Variants in AQR observed in about 807,000 individuals in gnomAD.
AQR encodes aquarius intron-binding spliceosomal factor, also known as RNA helicase aquarius.
A neutral mutation model predicts 180.5 loss-of-function variants in AQR; 61 were observed. That is an observed-to-expected ratio of 0.34 (90% CI 0.28 to 0.42). AQR has a LOEUF of 0.42. AQR is among the 10% of genes least tolerant of loss of function. The pLI is 1.00. For synonymous variants in AQR, 551 were observed against 588.8 expected (o/e 0.94, Z 0.93); for missense variants, 1,281 against 1,798.3 (o/e 0.71, Z 5.20).
At chr15:34,917,711 A>G (rs1893616478) in intron 15 of AQR, among the ~76,000 whole-genome samples, 1 of 151,836 alleles carries the variant, frequency 6.6e-6, no homozygotes, top group Non-Finnish European at 1.5e-5. Context: ...GGTCAGCTGC[A>G]GTGGTTCACA....
intron 30 of AQR, among the ~76,000 whole-genome samples, chr15:34,872,306 C>G (rs1221651986): frequency 2.0e-5 from 3 of 152,092 alleles, no homozygotes; most frequent in African/African-American, 4.8e-5. Flanking sequence ...GCATAGTATT[C>G]TTATTTTGGG....
intron 1 of AQR, among the ~76,000 whole-genome samples, chr15:34,967,151 C>T (rs930112680): frequency 2.0e-5 from 3 of 151,280 alleles, no homozygotes; most frequent in Non-Finnish European, 4.4e-5. Context: ...GCTGGGATTA[C>T]AGGTGTAATC....
intron 27 of AQR, among the ~76,000 whole-genome samples, chr15:34,876,412 T>C (rs1344625853): frequency 6.6e-6 from 1 of 152,276 alleles, no homozygotes; most frequent in East Asian, 1.9e-4. Context: ...GATAATTTTT[T>C]TTCCTATATG....
At chr15:34,879,364 C>T (rs1208347321) in intron 27 of AQR, among the ~76,000 whole-genome samples, 3 of 152,166 alleles carry the variant, frequency 2.0e-5, no homozygotes, top group Non-Finnish European at 4.4e-5. Flanking sequence ...TACGTCACAA[C>T]CCAAATTTCT....
Position 34,918,336 on chromosome 15 carries a change from T to C in AQR, c.1264A>G (p.Asn422Asp). The change falls in exon 15 of 35, where the codon AAC becomes GAC. Residue 422 changes from asparagine to aspartate, a missense_variant. Physicochemically the swap from Asn to Asp is conservative, Grantham distance 23. Transcript: ENST00000156471. The stretch of plus-strand genomic sequence containing the variant: ...TCAGTTGGATACAAAGGCATCTGGT[T>C]CAACTGCTGAATCTGAGAAATTCGA... ...ERRISQIQQL[N>D]QMPLYPTEKI... 1.2e-6 allele frequency: 2 copies of C among 1,613,886 alleles called. No individual in the cohort carries two copies. The highest frequency in any genetic ancestry group is 1.7e-6 in the Non-Finnish European group (2 of 1,179,852).
chr15:34,904,708 T>C (rs975525047), intron 18 of AQR, among the ~76,000 whole-genome samples: 1 of 150,608 alleles, frequency 6.6e-6, no homozygotes, highest in Non-Finnish European at 1.5e-5. Context: ...AAATTCTTAC[T>C]ATTTCCTTCC....
At chr15:34,939,419 G>C (rs1034239296) in intron 8 of AQR, among the ~76,000 whole-genome samples, 1 of 152,104 alleles carries the variant, frequency 6.6e-6, no homozygotes, top group Non-Finnish European at 1.5e-5. Flanking sequence ...AAGTCAGACC[G>C]AGAAAGAAGT....
In AQR at chr15:34,949,031, G is replaced by A. The variant is rs1795251985; in HGVS notation, c.210-647C>T. 3.3e-5 allele frequency among the ~76,000 whole-genome samples: 5 copies of A among 151,286 alleles called. No individual in the cohort carries two copies. In the South Asian group the frequency reaches 1.0e-3, roughly 32 times the overall value. On this transcript the variant is annotated intron_variant, in intron 4 of 34. Transcript: ENST00000156471. The stretch of plus-strand genomic sequence containing the variant: ...TTTTGAGACGGAGTTTTGCTCTTGT[G>A]GCCCAGACTGGAGTACAATGGCGTA...
chr15:34,899,676 T>TTA (rs57273821), intron 20 of AQR, among the ~76,000 whole-genome samples: 6,445 of 147,372 alleles, frequency 0.044, 297 homozygotes, highest in African/African-American at 0.12. Flanking sequence ...TGGCCTATTA[T>TTA]TATATATATA....
intron 31 of AQR, chr15:34,867,874 A>G (rs1373912203): frequency 3.3e-6 from 1 of 306,494 alleles, no homozygotes; most frequent in Non-Finnish European, 6.0e-6. Context: ...TTTGGAATTA[A>G]CAGTCTTCCC....
intron 30 of AQR, 131 bp downstream of exon 30, chr15:34,873,697 T>C (rs1474155845): frequency 3.0e-6 from 2 of 663,872 alleles, no homozygotes; most frequent in Non-Finnish European, 2.4e-6. Context: ...AATCGATTTT[T>C]CATATGCTAT....
At chr15:34,955,577 C>G (rs746722056) in intron 3 of AQR, among the ~76,000 whole-genome samples, 19 of 152,094 alleles carry the variant, frequency 1.2e-4, no homozygotes, top group Non-Finnish European at 2.5e-4. Context: ...ATCTGTTAAG[C>G]AGATGATTAA....
intron 27 of AQR, among the ~76,000 whole-genome samples, chr15:34,878,785 C>CT (rs1188072163): frequency 6.6e-6 from 1 of 152,096 alleles, no homozygotes; most frequent in Non-Finnish European, 1.5e-5. Flanking sequence ...AATCCCAGCA[C>CT]TTTGGGAGCC....
intron 5 of AQR, among the ~76,000 whole-genome samples, chr15:34,946,431 G>T (rs1475941964): frequency 3.3e-4 from 5 of 15,140 alleles, no homozygotes; most frequent in Admixed American, 5.6e-4. Flanking sequence ...GGAGGGAGGT[G>T]GGGGGGGTCA....
At chr15:34,883,308 C>A (rs1488175779) in intron 26 of AQR, among the ~76,000 whole-genome samples, 2 of 152,108 alleles carry the variant, frequency 1.3e-5, no homozygotes, top group African/African-American at 2.4e-5. Flanking sequence ...AGAACATCAA[C>A]CATGGCAGAG....
chr15:34,910,414 T>C, intron 16 of AQR, 101 bp from the exon 17 acceptor site: 1 of 1,258,006 alleles, frequency 7.9e-7, no homozygotes. Flanking sequence ...TCAGCTAGTA[T>C]TTAAGTCCTA....
chr15:34,956,687 A>G lies in AQR; in HGVS notation c.174-3767T>C, dbSNP rs1894322895. ...AAAAGAACAGAACAGAATATTCAGT[A>G]AGAAGTCAGAAAAAAAAAAAAAAAA... On this transcript the variant is annotated intron_variant, in intron 3 of 34. Coordinates refer to ENST00000156471, the MANE Select transcript of AQR (RefSeq NM_014691.3). Among the ~76,000 whole-genome samples, 3 of 141,206 alleles carry G rather than the reference A, an allele frequency of 2.1e-5. No homozygotes were observed. The Admixed American group carries it at 2.2e-4, about 10-fold the overall frequency. The allele number at this position is 141,206 out of a possible 152,430, so 92.6% of individuals were successfully genotyped here. A position where few individuals can be genotyped will look rare whatever the true frequency, so the allele number is the denominator to read the frequency against.
chr15:34,968,228 A>G (rs2050321611), intron 1 of AQR, among the ~76,000 whole-genome samples: 1 of 150,078 alleles, frequency 6.7e-6, no homozygotes, highest in Non-Finnish European at 1.5e-5. Context: ...ATCTTGAAAG[A>G]AGAAAAGGAA....
intron 9 of AQR, among the ~76,000 whole-genome samples, chr15:34,935,988 TG>T (rs1204772500): frequency 1.3e-5 from 2 of 152,166 alleles, no homozygotes; most frequent in African/African-American, 4.8e-5. Flanking sequence ...TTACTGGAAA[TG>T]GCCTATTTAA....
Sources: allele counts gnomAD v4.1 joint callset (sites outside exome capture counted in the v4.1 genomes callset), GRCh38; gene constraint gnomAD v4.1.1; transcripts MANE v1.5; gene names NCBI Gene and HGNC (gene_info 2026-07-23, HGNC 2026-07-21).